TTC28: variants seen among roughly 807,000 people sequenced by gnomAD.
The protein encoded by TTC28 is tetratricopeptide repeat protein 28.
TTC28 carries 61 observed loss-of-function variants against 198.0 expected under a neutral mutation model. The ratio of observed to expected loss-of-function variants is 0.31; its 90% CI spans 0.25 to 0.38. TTC28 has a LOEUF of 0.38. TTC28 is among the 10% of genes least tolerant of loss of function. TTC28 has a pLI of 1.00. For missense variants in TTC28, 2,678 were observed against 3,164.0 expected (o/e 0.85, Z 3.69); for synonymous variants, 1,171 against 1,297.8 (o/e 0.90, Z 2.10).
chr22:27,998,398 A>ACACAGGC, intron 16 of TTC28, 142 bp downstream of exon 16: 1 of 1,337,762 alleles, frequency 7.5e-7, no homozygotes, highest in Admixed American at 2.9e-5. Context: ...AAGACTCAGC[A>ACACAGGC]CACAGGCTCT....
chr22:28,336,436 T>C (rs1444577816), intron 2 of TTC28, among the ~76,000 whole-genome samples: 1 of 152,236 alleles, frequency 6.6e-6, no homozygotes, highest in Non-Finnish European at 1.5e-5. Flanking sequence ...CTTGTACCTC[T>C]GGTAGAATTC....
At position 28,194,545 on chromosome 22, in the gene TTC28, TAAAG is replaced by T. The variant is rs1357628566; in HGVS notation, c.934-30950_934-30947del. ...ATTGAGAGACCGCTAGCAAGACTAA[TAAAG>T]AAGAAAAGAGAGAAGAGTCAAATAG... On this transcript the variant is annotated intron_variant, in intron 5 of 22. Coordinates refer to ENST00000397906, the MANE Select transcript of TTC28 (RefSeq NM_001145418.2). Among the ~76,000 whole-genome samples, 3 of 151,348 alleles carry T rather than the reference TAAAG, an allele frequency of 2.0e-5. No homozygotes were observed. The East Asian group carries it at 5.8e-4, about 29-fold the overall frequency.
chr22:28,506,485 C>G (rs187323637), intron 2 of TTC28, among the ~76,000 whole-genome samples: 15 of 152,120 alleles, frequency 9.9e-5, no homozygotes, highest in Non-Finnish European at 1.9e-4. Context: ...TCCGGTCTAC[C>G]AGCTTTGGAG....
intron 2 of TTC28, among the ~76,000 whole-genome samples, chr22:28,421,722 C>A (rs2047256703): frequency 1.3e-5 from 2 of 152,142 alleles, no homozygotes; most frequent in South Asian, 4.1e-4. Context: ...CCAAGGCAGG[C>A]GGATCACGAG....
intron 2 of TTC28, among the ~76,000 whole-genome samples, chr22:28,327,285 C>T (rs1397920679): frequency 6.6e-6 from 1 of 152,128 alleles, no homozygotes; most frequent in Non-Finnish European, 1.5e-5. Context: ...CCCCAATTCT[C>T]ATATTGTAAG....
At chr22:28,273,536 G>C (rs533950374) in intron 5 of TTC28, among the ~76,000 whole-genome samples, 6 of 151,474 alleles carry the variant, frequency 4.0e-5, no homozygotes, top group Non-Finnish European at 8.8e-5. Context: ...ATATAGGATA[G>C]TAAAAAAAAA....
chr22:28,609,585 G>A (rs2050785953), intron 2 of TTC28, among the ~76,000 whole-genome samples: 1 of 152,166 alleles, frequency 6.6e-6, no homozygotes, highest in South Asian at 2.1e-4. Flanking sequence ...CCCACAGACT[G>A]GGAGATTCCT....
chr22:28,536,567 T>C (rs1332891054), intron 2 of TTC28, among the ~76,000 whole-genome samples: 1 of 151,918 alleles, frequency 6.6e-6, no homozygotes, highest in East Asian at 1.9e-4. Context: ...GAGCTTGCAG[T>C]GAGCCGAGAT....
At chr22:28,620,179 G>C (rs1050284694) in intron 2 of TTC28, among the ~76,000 whole-genome samples, 4 of 152,086 alleles carry the variant, frequency 2.6e-5, no homozygotes, top group African/African-American at 9.6e-5. Context: ...GTGAAACCCT[G>C]TCTCTACTAA....
intron 5 of TTC28, among the ~76,000 whole-genome samples, chr22:28,208,348 T>G (rs767160943): frequency 1.3e-5 from 2 of 152,146 alleles, no homozygotes; most frequent in Non-Finnish European, 2.9e-5. Flanking sequence ...ATCCATATAG[T>G]ATGCAACTAA....
In TTC28 at chr22:28,108,022, C is replaced by G. The variant is rs1942370543; in HGVS notation, c.1823G>C (p.Gly608Ala). Residue 608 changes from glycine to alanine, a missense_variant, in exon 7 of 23, where the codon GGA (glycine) becomes GCA (alanine). Coordinates refer to ENST00000397906, the MANE Select transcript of TTC28 (RefSeq NM_001145418.2). ...SNLGNFHCSR[G>A]EYVQAAPYYE... ...ATAGGGGGCAGCCTGGACATACTCT[C>G]CCCGAGAGCAGTGGAAATTGCCCAG... 6.4e-7 allele frequency: 1 copy of G among 1,551,502 alleles called. No homozygotes were observed. Among genetic ancestry groups the G allele is most frequent in the African/African-American group, 1.4e-5 (1 of 73,040 alleles).
At chr22:28,390,330 G>T (rs1442716076) in intron 2 of TTC28, among the ~76,000 whole-genome samples, 1 of 152,146 alleles carries the variant, frequency 6.6e-6, no homozygotes, top group Non-Finnish European at 1.5e-5. Flanking sequence ...TTGATTTGGG[G>T]TGGAGAGTTC....
chr22:28,505,143 G>A (rs925215397), intron 2 of TTC28, among the ~76,000 whole-genome samples: 1 of 150,882 alleles, frequency 6.6e-6, no homozygotes, highest in African/African-American at 2.4e-5. Flanking sequence ...TGTAATCCCA[G>A]CTACTCGGGA....
At chr22:28,156,820 A>T (rs949299810) in intron 6 of TTC28, among the ~76,000 whole-genome samples, 1 of 152,176 alleles carries the variant, frequency 6.6e-6, no homozygotes, top group African/African-American at 2.4e-5. Context: ...GCAGTATTAA[A>T]TTTATAGCTA....
intron 5 of TTC28, among the ~76,000 whole-genome samples, chr22:28,271,344 C>T (rs1932057907): frequency 1.3e-5 from 2 of 152,120 alleles, no homozygotes; most frequent in South Asian, 4.1e-4. Flanking sequence ...AGTTGAGCTG[C>T]TCTAGTTAAT....
At chr22:28,154,546 C>T (rs1047513501) in intron 6 of TTC28, among the ~76,000 whole-genome samples, 3 of 152,028 alleles carry the variant, frequency 2.0e-5, no homozygotes, top group South Asian at 4.2e-4. Flanking sequence ...TTAGTAGAGA[C>T]GGGGTTTCAC....
At chr22:28,012,019 T>C (rs1938184777) in intron 14 of TTC28, among the ~76,000 whole-genome samples, 1 of 152,158 alleles carries the variant, frequency 6.6e-6, no homozygotes, top group South Asian at 2.1e-4. Context: ...GGGTAAAGAA[T>C]GGAGAGTCCA....
chr22:28,285,195 A>G (rs766987510), intron 5 of TTC28, among the ~76,000 whole-genome samples: 2 of 152,332 alleles, frequency 1.3e-5, no homozygotes, highest in South Asian at 4.1e-4. Context: ...TATATGTACA[A>G]TGAAATATTA....
At chr22:27,984,035 G>A (rs1313161395) in intron 22 of TTC28, among the ~76,000 whole-genome samples, 184 bp from the exon 23 acceptor site, 1 of 152,060 alleles carries the variant, frequency 6.6e-6, no homozygotes, top group Non-Finnish European at 1.5e-5. Context: ...CTAACATAGG[G>A]ACAAAATCAT....
Sources: allele counts gnomAD v4.1 joint callset (sites outside exome capture counted in the v4.1 genomes callset), GRCh38; gene constraint gnomAD v4.1.1; transcripts MANE v1.5; gene names NCBI Gene and HGNC (gene_info 2026-07-23, HGNC 2026-07-21).